Variants in KMT2A observed in about 807,000 individuals in gnomAD.
KMT2A encodes lysine methyltransferase 2A, also known as histone-lysine N-methyltransferase 2A.
Under a neutral mutation model 345.3 loss-of-function variants are expected in KMT2A, and 16 were observed. That is an observed-to-expected ratio of 0.05 (90% CI 0.03 to 0.07). The LOEUF is 0.07. Ranked by LOEUF, KMT2A falls within the 10% of genes least tolerant of loss-of-function variation. The pLI is 1.00. For missense variants in KMT2A, 3,272 were observed against 4,841.6 expected (o/e 0.68, Z 9.62); for synonymous variants, 1,599 against 1,778.6 (o/e 0.90, Z 2.54).
intron 8 of KMT2A, among the ~76,000 whole-genome samples, chr11:118,483,516 C>A (rs1158401960): frequency 6.6e-6 from 1 of 152,198 alleles, no homozygotes; most frequent in Non-Finnish European, 1.5e-5. Flanking sequence ...TTGGGTGACA[C>A]CGAGACTCCG....
Position 118,477,498 on chromosome 11 carries a change from C to CTTTTTTT in KMT2A, c.3335-448_3335-442dup, listed in dbSNP as rs11430367. On this transcript the variant is annotated intron_variant, in intron 4 of 35. Coordinates refer to ENST00000534358, the MANE Select transcript of KMT2A (RefSeq NM_001197104.2). Reference sequence around the variant, plus strand: ...CTTTCATCAAGATGCAAGTTATTGGCTTTTTTTTTTTTTTTTTTTTTTTTT... The same window carrying CTTTTTTT: ...CTTTCATCAAGATGCAAGTTATTGGCTTTTTTTTTTTTTTTTTTTTTTTTTTTTTTTT... Among the ~76,000 whole-genome samples the CTTTTTTT allele has an allele frequency of 9.5e-3, 542 of 56,940 alleles. 188 individuals carry two copies. The highest frequency in any genetic ancestry group is 0.038 in the African/African-American group (487 of 12,980). 37.4% of individuals were successfully genotyped at this position (56,940 alleles called of 152,430 possible).
chr11:118,477,576 C>T (rs1175209553), intron 4 of KMT2A, among the ~76,000 whole-genome samples: 6 of 117,844 alleles, frequency 5.1e-5, no homozygotes, highest in Non-Finnish European at 9.6e-5. Context: ...GGTGCGATCT[C>T]GGCTCACTAC....
chr11:118,512,869 T>C (rs1950720621), intron 31 of KMT2A, among the ~76,000 whole-genome samples: 1 of 152,144 alleles, frequency 6.6e-6, no homozygotes, highest in Non-Finnish European at 1.5e-5. Context: ...TGAAATCATT[T>C]ACCATTGGTA....
At chr11:118,448,935 T>G (rs1555027934) in intron 1 of KMT2A, 1 of 152,052 alleles carries the variant, frequency 6.6e-6, no homozygotes, top group Non-Finnish European at 1.5e-5. Context: ...AACTTTTAAT[T>G]TCTTGTCATA....
In KMT2A at chr11:118,505,756, C is replaced by G; in HGVS notation, c.9864C>G (p.Ile3288Met). ...CATCTCACCGAACTGTCCCCAACAT[C>G]ATAAAAAGATCTAAATCTAGCATCA... ...NTSSHRTVPN[I>M]IKRSKSSIMY... Residue 3288 changes from isoleucine (I) to methionine (M), a missense_variant, in exon 27 of 36, where the codon ATC (isoleucine) becomes ATG (methionine). Ile to Met is a conservative substitution (Grantham distance 10, BLOSUM62 1). Around this residue, in one of 27 missense-constraint regions of KMT2A, gnomAD observed 748 missense variants for 922.2 expected, o/e 0.81. Coordinates refer to ENST00000534358, the MANE Select transcript of KMT2A (RefSeq NM_001197104.2). The surrounding 1 kb of genome is among the most constrained non-coding windows in gnomAD (Gnocchi z 4.6). 6.2e-7 allele frequency: 1 copy of G among 1,614,196 alleles called. No individual in the cohort carries two copies. The highest frequency in any genetic ancestry group is 8.5e-7 in the Non-Finnish European group (1 of 1,180,044).
intron 1 of KMT2A, among the ~76,000 whole-genome samples, chr11:118,465,468 A>G (rs1231151779): frequency 6.6e-6 from 1 of 152,198 alleles, no homozygotes; most frequent in Admixed American, 6.5e-5. Context: ...AACCTTTTGA[A>G]GTCCCATCAT....
At chr11:118,507,798 A>G (rs1459008770) in intron 28 of KMT2A, 189 bp downstream of exon 28, 6 of 518,752 alleles carry the variant, frequency 1.2e-5, no homozygotes, top group African/African-American at 3.9e-5. Context: ...CGTCTCTACT[A>G]AAAATACAAA....
chr11:118,469,002 T>G (rs1259612855), intron 2 of KMT2A, among the ~76,000 whole-genome samples, 158 bp downstream of exon 2: 1 of 152,182 alleles, frequency 6.6e-6, no homozygotes, highest in Non-Finnish European at 1.5e-5. Context: ...TTATTTATTA[T>G]TGTTATACTT....
intron 1 of KMT2A, among the ~76,000 whole-genome samples, chr11:118,459,173 G>A (rs1275944918): frequency 6.6e-6 from 1 of 152,022 alleles, no homozygotes; most frequent in Non-Finnish European, 1.5e-5. Flanking sequence ...GGGTTCAAGT[G>A]ATTCTTGTGC....
rs1950196080 is a variant in KMT2A, at chr11:118,484,482, T to G, written c.4218+168T>G. Among the ~76,000 whole-genome samples the G allele has an allele frequency of 6.6e-6, 1 of 152,212 alleles. No individual in the cohort carries two copies. Among genetic ancestry groups the G allele is most frequent in the Non-Finnish European group, 1.5e-5 (1 of 68,036 alleles). ...GCTGGGAGAGCTTTGGTCAGTGTTGTTAGGTCACTGTTTGTGAACTGACTG... is the reference window on the plus strand; with the variant it reads ...GCTGGGAGAGCTTTGGTCAGTGTTGGTAGGTCACTGTTTGTGAACTGACTG... On this transcript the variant is annotated intron_variant, in intron 9 of 35. Coordinates refer to ENST00000534358, the MANE Select transcript of KMT2A (RefSeq NM_001197104.2). The surrounding 1 kb of genome is among the most constrained non-coding windows in gnomAD (Gnocchi z 4.1).
chr11:118,458,152 C>T, intron 1 of KMT2A: 1 of 398,480 alleles, frequency 2.5e-6, no homozygotes, highest in Non-Finnish European at 5.1e-6. Context: ...GTCTCGATCA[C>T]AGTTCACTGC....
chr11:118,507,584 C>A lies in KMT2A; in HGVS notation c.10810C>A (p.Gln3604Lys). The change falls in exon 28 of 36, where the codon CAG (glutamine) becomes AAG (lysine). Residue 3604 changes from glutamine (Q) to lysine (K), a missense_variant. Coordinates refer to ENST00000534358, the MANE Select transcript of KMT2A (RefSeq NM_001197104.2). ...TACAGCTAGCGTGGAGCAGTCCTCC[C>A]AGAAGGAGTGTGGGCAACCTGCAGG... ...QDTASVEQSSQKECGQPAGQV... is the reference protein window; with the variant it reads ...QDTASVEQSSKKECGQPAGQV... 6.2e-7 allele frequency: 1 copy of A among 1,614,126 alleles called. No homozygotes were observed. Among genetic ancestry groups the A allele is most frequent in the Non-Finnish European group, 8.5e-7 (1 of 1,179,962 alleles).
In KMT2A at chr11:118,484,837, C is replaced by T. The variant is rs141644096; in HGVS notation, c.4219-25C>T. ...AAAGTTGTGTAATTGTAAAACTTTC[C>T]TAAGTGACCTTTCTCTCTCCACAGG... On this transcript the variant is annotated intron_variant, in intron 9 of 35. Transcript: ENST00000534358. This position sits in a 1 kb window ranked among gnomAD's most constrained non-coding sequence, Gnocchi z 4.1. 4.4e-4 allele frequency: 662 copies of T among 1,517,548 alleles called. 1 individual carries two copies. In the African/African-American group the frequency reaches 8.4e-3, roughly 19 times the overall value. The allele number at this position is 1,517,548 out of a possible 1,614,324, so 94.0% of individuals were successfully genotyped here.
Position 118,503,226 on chromosome 11 carries a change from C to A in KMT2A, c.7334C>A (p.Ser2445Tyr), listed in dbSNP as rs2134391303. Residue 2445 changes from serine to tyrosine, a missense_variant, in exon 27 of 36, where the codon TCC (serine) becomes TAC (tyrosine). By Grantham distance (144) the Ser-to-Tyr change is moderately radical (BLOSUM62 -2). This residue lies in a region of KMT2A where 445 missense variants were observed against 500.9 expected (regional missense o/e 0.89). Transcript: ENST00000534358. This position sits in a 1 kb window ranked among gnomAD's most constrained non-coding sequence, Gnocchi z 5.3. ...AAAGAAACTTTCAAAGAAAAGCATT[C>A]CAGTAAATCTTTTTTGGAACCTGGT... ...SCKETFKEKH[S>Y]SKSFLEPGQV... 1 of 1,613,968 alleles carries A rather than the reference C, an allele frequency of 6.2e-7. No individual in the cohort carries two copies.
At position 118,479,101 on chromosome 11, in the gene KMT2A, C is replaced by T. The variant is rs570923787; in HGVS notation, c.3569+900C>T. ...TTTATCCTTTGTATTACAAACAATC[C>T]AATTATACTCTTTCAGTCATTTTTA... On this transcript the variant is annotated intron_variant, in intron 5 of 35. Transcript: ENST00000534358. Among the ~76,000 whole-genome samples the T allele has an allele frequency of 2.5e-3, 377 of 152,170 alleles. 1 individual carries two copies. Among genetic ancestry groups the T allele is most frequent in the Non-Finnish European group, 4.1e-3 (279 of 68,002 alleles).
At chr11:118,440,053 C>T (rs1949280933) in intron 1 of KMT2A, among the ~76,000 whole-genome samples, 1 of 152,034 alleles carries the variant, frequency 6.6e-6, no homozygotes, top group African/African-American at 2.4e-5. Context: ...AGCTCTGTAT[C>T]AAGTCTTATC....
chr11:118,452,790 C>T (rs549019207), intron 1 of KMT2A, among the ~76,000 whole-genome samples: 7 of 152,176 alleles, frequency 4.6e-5, no homozygotes, highest in East Asian at 1.9e-4. Flanking sequence ...CCCACCACCA[C>T]GCCCTGCTAA....
chr11:118,457,812 G>T (rs1000847634), intron 1 of KMT2A, among the ~76,000 whole-genome samples: 3 of 151,788 alleles, frequency 2.0e-5, no homozygotes, highest in African/African-American at 7.3e-5. Context: ...CCTTGAGTGG[G>T]TTAATTGTCT....
chr11:118,483,376 CA>C (rs11299231), intron 8 of KMT2A, among the ~76,000 whole-genome samples: 152,012 of 152,016 alleles, frequency 1, 76,004 homozygotes, highest in Middle Eastern at 1. Flanking sequence ...ACTAAAAATA[CA>C]AAAAAATTAG....
Sources: allele counts gnomAD v4.1 joint callset (sites outside exome capture counted in the v4.1 genomes callset), GRCh38; gene constraint gnomAD v4.1.1; regional missense constraint gnomAD v4.1.1; non-coding constraint Gnocchi (gnomAD v3.1); transcripts MANE v1.5; gene names NCBI Gene and HGNC (gene_info 2026-07-23, HGNC 2026-07-21).